XKR9: variants seen among roughly 807,000 people sequenced by gnomAD.
The protein encoded by XKR9 is XK related 9, also known as XK-related protein 9.
Under a neutral mutation model 32.0 loss-of-function variants are expected in XKR9, and 32 were observed. That is an observed-to-expected ratio of 1.00 (90% CI 0.76 to 1.34). The LOEUF is 1.34. XKR9 is among the 40% of genes most tolerant of loss of function. The pLI, the probability that XKR9 is intolerant of heterozygous loss-of-function variation, is 0.00. For missense variants in XKR9, 546 were observed against 429.7 expected, an observed-to-expected ratio of 1.27 and a Z score of -2.39; for synonymous variants, 168 against 143.4, an observed-to-expected ratio of 1.17 and a Z score of -1.22.
At chr8:70,765,848 T>A (rs1807368256) in intron 2 of XKR9, among the ~76,000 whole-genome samples, 1 of 152,206 alleles carries the variant, frequency 6.6e-6, no homozygotes, top group African/African-American at 2.4e-5. Flanking sequence ...TCCAGCACCA[T>A]TTATTAAATA....
chr8:70,708,125 C>G (rs1166471087), intron 4 of XKR9, among the ~76,000 whole-genome samples: 2 of 151,952 alleles, frequency 1.3e-5, no homozygotes, highest in African/African-American at 4.8e-5. Context: ...TAGTAAGACA[C>G]AAAATGATTG....
intron 3 of XKR9, among the ~76,000 whole-genome samples, chr8:70,694,840 G>T (rs898175362): frequency 9.2e-5 from 14 of 152,164 alleles, no homozygotes; most frequent in African/African-American, 2.7e-4. Flanking sequence ...ATCCTACTTT[G>T]CCATAGCTGC....
chr8:70,893,617 A>C, the XKR9 span, among the ~76,000 whole-genome samples: 1 of 152,180 alleles, frequency 6.6e-6, no homozygotes, highest in African/African-American at 2.4e-5. Flanking sequence ...TGTGTTCGAC[A>C]TTTGCAATAA....
chr8:70,743,241 T>A (rs1274413508), intron 2 of XKR9, among the ~76,000 whole-genome samples: 1 of 152,120 alleles, frequency 6.6e-6, no homozygotes, highest in African/African-American at 2.4e-5. Flanking sequence ...TTTCCTTGGG[T>A]TCTTTTTATG....
the XKR9 span, among the ~76,000 whole-genome samples, chr8:70,966,422 C>G: frequency 6.6e-6 from 1 of 151,744 alleles, no homozygotes; most frequent in Non-Finnish European, 1.5e-5. Flanking sequence ...TAATTTTTTT[C>G]TTTTGTATTT....
chr8:70,741,403 A>T lies in XKR9; in HGVS notation n.352+34250A>T, dbSNP rs76101486. ...CTTGGCCTTCCCAGGCTCTGAAACC[A>T]TTAGTGAAGTAAACTTTTCTTTATA... On this transcript the variant is annotated intron_variant and non_coding_transcript_variant, in intron 2 of 3. Transcript: ENST00000520273. Among the ~76,000 whole-genome samples, 446 of 152,340 alleles carry T rather than the reference A, an allele frequency of 2.9e-3. 6 individuals carry two copies. Among genetic ancestry groups the T allele is most frequent in the African/African-American group, 0.01 (417 of 41,588 alleles).
the XKR9 span, among the ~76,000 whole-genome samples, chr8:70,973,287 T>TTC: frequency 0.55 from 83,035 of 151,684 alleles, 23,634 homozygotes; most frequent in Middle Eastern, 0.62. Context: ...CCTTCTGTAT[T>TTC]TGTGGTATTA....
chr8:71,006,840 A>T, the XKR9 span, among the ~76,000 whole-genome samples: 1 of 152,148 alleles, frequency 6.6e-6, no homozygotes, highest in South Asian at 2.1e-4. Flanking sequence ...TAATAAAGGG[A>T]TAGAGTTGAG....
the XKR9 span, among the ~76,000 whole-genome samples, chr8:71,019,104 G>C: frequency 6.6e-6 from 1 of 151,836 alleles, no homozygotes; most frequent in South Asian, 2.1e-4. Flanking sequence ...TTCTACATGT[G>C]ATCCAAGGGG....
chr8:70,721,769 G>T (rs555268375), intron 4 of XKR9, among the ~76,000 whole-genome samples: 7 of 152,198 alleles, frequency 4.6e-5, no homozygotes, highest in Non-Finnish European at 1.5e-5. Flanking sequence ...TGAGAAGAAT[G>T]TATATTCTGT....
chr8:71,037,831 G>A, the XKR9 span, among the ~76,000 whole-genome samples: 3 of 152,034 alleles, frequency 2.0e-5, no homozygotes, highest in African/African-American at 4.8e-5. Context: ...CAAAGCAACC[G>A]GATAACAAAA....
chr8:70,971,398 C>A, the XKR9 span, among the ~76,000 whole-genome samples: 1 of 151,400 alleles, frequency 6.6e-6, no homozygotes, highest in Non-Finnish European at 1.5e-5. Flanking sequence ...AAGATTTCCT[C>A]CCACTGTGTG....
chr8:70,884,190 T>A, the XKR9 span, among the ~76,000 whole-genome samples: 9 of 152,318 alleles, frequency 5.9e-5, no homozygotes, highest in African/African-American at 2.2e-4. Context: ...TCTTTGGTGA[T>A]GTGTTTTTTC....
chr8:70,951,868 G>GA, the XKR9 span, among the ~76,000 whole-genome samples: 142 of 28,474 alleles, frequency 5.0e-3, no homozygotes, highest in African/African-American at 0.02. Flanking sequence ...TAGCATCATT[G>GA]GGGGGGGGGT....
chr8:70,758,929 T>C (rs775929871), intron 2 of XKR9, among the ~76,000 whole-genome samples: 9 of 152,234 alleles, frequency 5.9e-5, no homozygotes, highest in Non-Finnish European at 8.8e-5. Flanking sequence ...TGTGCTGGCC[T>C]GTGTTACTTG....
At chr8:71,027,808 A>T in the XKR9 span, among the ~76,000 whole-genome samples, 123 of 146,340 alleles carry the variant, frequency 8.4e-4, no homozygotes, top group African/African-American at 2.9e-3. Context: ...TCCGTCATCC[A>T]GGCTGGAGGG....
At chr8:70,717,736 C>A (rs1377636419) in intron 4 of XKR9, among the ~76,000 whole-genome samples, 2 of 152,152 alleles carry the variant, frequency 1.3e-5, no homozygotes, top group Non-Finnish European at 2.9e-5. Flanking sequence ...GATTAACATT[C>A]GACTGCGTAA....
the XKR9 span, among the ~76,000 whole-genome samples, chr8:70,966,081 T>G: frequency 6.6e-6 from 1 of 152,150 alleles, no homozygotes; most frequent in African/African-American, 2.4e-5. Flanking sequence ...TTGACAGTGC[T>G]TTAGCTGTAT....
the XKR9 span, among the ~76,000 whole-genome samples, chr8:71,043,601 T>C: frequency 6.6e-6 from 1 of 152,336 alleles, no homozygotes; most frequent in African/African-American, 2.4e-5. Context: ...CGTTATTTCA[T>C]ATTTGAGTCA....
Sources: allele counts gnomAD v4.1 joint callset (sites outside exome capture counted in the v4.1 genomes callset), GRCh38; gene constraint gnomAD v4.1.1; transcripts MANE v1.5; gene names NCBI Gene and HGNC (gene_info 2026-07-23, HGNC 2026-07-21).